The following OXCT1 variants were observed in gnomAD, a reference collection of about 807,000 sequenced individuals.
OXCT1 encodes succinyl-CoA:3-ketoacid coenzyme A transferase 1, mitochondrial.
In OXCT1, 27 loss-of-function variants were observed where a neutral mutation model predicts 69.6. The ratio of observed to expected loss-of-function variants is 0.39; its 90% confidence interval spans 0.29 to 0.54. The LOEUF (loss-of-function observed/expected upper bound fraction) is 0.54, where lower values mean the gene tolerates loss of function less well. Among genes scored for constraint, OXCT1 ranks in the 20% least tolerant of loss-of-function variants. OXCT1 has a pLI of 0.72. For missense variants in OXCT1, 437 were observed against 650.2 expected (o/e 0.67, Z 3.57); for synonymous variants, 202 against 217.8 (o/e 0.93, Z 0.64).
Position 41,814,643 on chromosome 5 carries a change from C to T in OXCT1, c.733-7205G>A, listed in dbSNP as rs1439667810. On this transcript the variant is annotated intron_variant, in intron 7 of 16. Transcript: ENST00000196371. ...CGCAAGAACAAAAAACCAAACACCG[C>T]ATATTCTCACTCATAGGTGGGAATT... is the stretch of plus-strand genomic sequence containing the variant. Among the ~76,000 whole-genome samples, 20 of 146,062 alleles carry T rather than the reference C, an allele frequency of 1.4e-4. No individual in the cohort carries two copies. In the East Asian group the frequency reaches 2.7e-3, roughly 19 times the overall value.
chr5:41,818,568 GTCTCTTCTGATTA>G (rs1481547296), intron 7 of OXCT1, among the ~76,000 whole-genome samples: 2 of 152,194 alleles, frequency 1.3e-5, no homozygotes, highest in Non-Finnish European at 2.9e-5. Flanking sequence ...TGCTGGGACA[GTCTCTTCTGATTA>G]TTGTGGCTTC....
intron 7 of OXCT1, among the ~76,000 whole-genome samples, chr5:41,814,727 G>T: frequency 7.9e-6 from 1 of 126,552 alleles, no homozygotes; most frequent in East Asian, 2.7e-4. Flanking sequence ...GACTGTTGTG[G>T]GGTGGGGGGA....
intron 7 of OXCT1, among the ~76,000 whole-genome samples, chr5:41,837,022 A>T (rs1047727944): frequency 1.1e-4 from 16 of 152,244 alleles, no homozygotes; most frequent in Non-Finnish European, 2.9e-5. Flanking sequence ...TATATAATTT[A>T]AAAATTATAA....
rs550821923 is a variant in OXCT1 at position 41,750,361 on chromosome 5, T to A, written c.1339-754A>T. Among the ~76,000 whole-genome samples the A allele has an allele frequency of 7.9e-5, 12 of 152,082 alleles. No individual in the cohort carries two copies. The East Asian group carries it at 2.3e-3, about 30-fold the overall frequency. On this transcript the variant is annotated intron_variant, in intron 14 of 16. Coordinates refer to ENST00000196371, the MANE Select transcript of OXCT1 (RefSeq NM_000436.4). ...CCCTCCTCCAGCCCCTCCTCCCACCTGCAATGTAGAACTGGCCTCTGAGGC... is the reference window on the plus strand; with the variant it reads ...CCCTCCTCCAGCCCCTCCTCCCACCAGCAATGTAGAACTGGCCTCTGAGGC...
intron 6 of OXCT1, among the ~76,000 whole-genome samples, 195 bp from the exon 7 acceptor site, chr5:41,840,706 T>C (rs1486658541): frequency 6.6e-6 from 1 of 152,206 alleles, no homozygotes; most frequent in Non-Finnish European, 1.5e-5. Flanking sequence ...AACTACTTTA[T>C]TCAATGTATA....
chr5:41,739,512 A>C, intron 15 of OXCT1, 21 bp from the exon 16 acceptor site: 1 of 1,495,672 alleles, frequency 6.7e-7, no homozygotes, highest in Non-Finnish European at 9.3e-7. Context: ...GGGAAGAAAA[A>C]GGACAATGAC....
At chr5:41,859,912 AC>A (rs1749660236) in intron 3 of OXCT1, among the ~76,000 whole-genome samples, 2 of 133,770 alleles carry the variant, frequency 1.5e-5, no homozygotes, top group Admixed American at 1.5e-4. Context: ...ATATATACAC[AC>A]ACACACACAC....
intron 13 of OXCT1, among the ~76,000 whole-genome samples, chr5:41,771,046 T>C (rs908016239): frequency 3.9e-5 from 6 of 152,162 alleles, no homozygotes; most frequent in Non-Finnish European, 8.8e-5. Flanking sequence ...CATTCATCTA[T>C]TGTAAGATAG....
chr5:41,750,135 GTTTTTT>G (rs11291155), intron 14 of OXCT1, among the ~76,000 whole-genome samples: 1 of 73,922 alleles, frequency 1.4e-5, no homozygotes, highest in Non-Finnish European at 2.5e-5. Context: ...GTGTTTTTTG[GTTTTTT>G]TTTTTTTTTT....
At chr5:41,767,720 G>GTATATATATATATATATA (rs751695010) in intron 13 of OXCT1, among the ~76,000 whole-genome samples, 37 of 78,344 alleles carry the variant, frequency 4.7e-4, no homozygotes, top group East Asian at 1.2e-3. Flanking sequence ...ATATATGTGT[G>GTATATATATATATATATA]TGTATATATA....
chr5:41,847,206 T>C (rs1748957706), intron 5 of OXCT1, among the ~76,000 whole-genome samples: 2 of 151,822 alleles, frequency 1.3e-5, no homozygotes, highest in Non-Finnish European at 2.9e-5. Context: ...CCTTGACACA[T>C]ACACTCTCCC....
At chr5:41,788,647 A>C (rs1341878847) in intron 13 of OXCT1, among the ~76,000 whole-genome samples, 1 of 152,214 alleles carries the variant, frequency 6.6e-6, no homozygotes, top group Non-Finnish European at 1.5e-5. Flanking sequence ...ACAGCTCTAA[A>C]ACAGATAAAG....
chr5:41,840,481 C>T lies in OXCT1; in HGVS notation c.702G>A (p.Met234Ile), dbSNP rs1162038121. Residue 234 changes from methionine to isoleucine, a missense_variant, in exon 7 of 17, where the codon ATG (methionine) becomes ATA (isoleucine). Met to Ile is a conservative substitution (Grantham distance 10). Coordinates refer to ENST00000196371, the MANE Select transcript of OXCT1 (RefSeq NM_000436.4). Reference sequence around the variant, plus strand: ...CCACTGTGGTTTCTGCAGCTTTGCACATTGGCAAGTTGAAATTCCTTGCAC... The same window carrying T: ...CCACTGTGGTTTCTGCAGCTTTGCATATTGGCAAGTTGAAATTCCTTGCAC... ...RKSARNFNLPMCKAAETTVVE... is the reference protein window; with the variant it reads ...RKSARNFNLPICKAAETTVVE... 2.5e-6 allele frequency: 4 copies of T among 1,613,288 alleles called. No homozygotes were observed. Among genetic ancestry groups the T allele is most frequent in the African/African-American group, 1.3e-5 (1 of 74,894 alleles).
At chr5:41,795,238 C>A (rs1746123618) in intron 11 of OXCT1, among the ~76,000 whole-genome samples, 1 of 152,112 alleles carries the variant, frequency 6.6e-6, no homozygotes, top group Admixed American at 6.5e-5. Context: ...GAGAGAAGGC[C>A]AAGCTTAGAT....
At chr5:41,823,425 A>C (rs1747658884) in intron 7 of OXCT1, among the ~76,000 whole-genome samples, 1 of 152,172 alleles carries the variant, frequency 6.6e-6, no homozygotes. Flanking sequence ...AAACTTGTCC[A>C]CATGAGCCTC....
At chr5:41,822,908 T>C (rs1357931455) in intron 7 of OXCT1, among the ~76,000 whole-genome samples, 1 of 152,246 alleles carries the variant, frequency 6.6e-6, no homozygotes, top group East Asian at 1.9e-4. Flanking sequence ...TGAGTCTTAA[T>C]TGTTCGGACC....
At chr5:41,751,574 C>T (rs1352364788) in intron 14 of OXCT1, among the ~76,000 whole-genome samples, 1 of 152,118 alleles carries the variant, frequency 6.6e-6, no homozygotes, top group African/African-American at 2.4e-5. Context: ...ATCCACCCTA[C>T]CTTGAAAGAT....
intron 7 of OXCT1, among the ~76,000 whole-genome samples, chr5:41,836,812 A>G (rs1390644854): frequency 6.6e-6 from 1 of 152,154 alleles, no homozygotes; most frequent in Admixed American, 6.6e-5. Context: ...CTAACAGACC[A>G]TGGGCCAGTA....
At chr5:41,773,409 T>G (rs1475005482) in intron 13 of OXCT1, among the ~76,000 whole-genome samples, 1 of 140,438 alleles carries the variant, frequency 7.1e-6, no homozygotes, top group East Asian at 2.1e-4. Context: ...ACCCTGTCTC[T>G]ACGAAAAAAA....
Sources: gnomAD v4.1 joint callset for allele counts (sites outside exome capture counted in the v4.1 genomes callset) on GRCh38, gnomAD v4.1.1 for gene constraint, MANE v1.5 for transcripts, NCBI Gene and HGNC (gene_info 2026-07-23, HGNC 2026-07-21) for gene names.